STK39: variants seen among roughly 807,000 people sequenced by gnomAD.
STK39 encodes the protein STE20/SPS1-related proline-alanine-rich protein kinase.
In STK39, 20 loss-of-function variants were observed where a neutral mutation model predicts 77.8. The observed-to-expected ratio is 0.26, with a 90% CI of 0.18 to 0.37. The LOEUF is 0.37. Ranked by LOEUF, STK39 falls within the 10% of genes least tolerant of loss-of-function variation. STK39 has a pLI of 1.00. For synonymous variants in STK39, 246 were observed against 234.1 expected (o/e 1.05, Z -0.47); for missense variants, 479 against 656.5 (o/e 0.73, Z 2.95).
chr2:168,134,734 C>T (rs1432181695), intron 8 of STK39, among the ~76,000 whole-genome samples: 1 of 152,072 alleles, frequency 6.6e-6, no homozygotes, highest in South Asian at 2.1e-4. Context: ...GAGCTCTCAT[C>T]GTTGACAAAA....
chr2:168,088,895 A>G (rs1686441270), intron 10 of STK39, among the ~76,000 whole-genome samples: 1 of 152,192 alleles, frequency 6.6e-6, no homozygotes, highest in African/African-American at 2.4e-5. Context: ...CAGTAAGCAT[A>G]AAAGGATCAA....
intron 16 of STK39, among the ~76,000 whole-genome samples, chr2:167,968,464 C>A (rs1250741269): frequency 6.6e-6 from 1 of 152,232 alleles, no homozygotes; most frequent in Admixed American, 6.5e-5. Context: ...GAGATACCAG[C>A]TTATTTCACA....
At chr2:168,064,705 C>T (rs1685749810) in intron 13 of STK39, among the ~76,000 whole-genome samples, 1 of 152,232 alleles carries the variant, frequency 6.6e-6, no homozygotes. Flanking sequence ...AGTACAACCA[C>T]TTTGAGAACA....
rs192498655 is a variant in STK39 at position 168,196,885 on chromosome 2, C to T, written c.209-14795G>A. On this transcript the variant is annotated intron_variant, in intron 1 of 17. Transcript: ENST00000355999. ...AGAGCTCAAGGGACAAAGACAGAGG[C>T]GGTGTGGCTGGTGCTTGTCAGCTAA... Among the ~76,000 whole-genome samples the T allele has an allele frequency of 1.7e-3, 257 of 152,062 alleles. 1 individual carries two copies. The highest frequency in any genetic ancestry group is 5.9e-3 in the African/African-American group (244 of 41,466).
At chr2:167,979,649 A>G (rs1481014692) in intron 16 of STK39, among the ~76,000 whole-genome samples, 5 of 152,328 alleles carry the variant, frequency 3.3e-5, no homozygotes, top group South Asian at 2.1e-4. Flanking sequence ...CAGGTCATCC[A>G]GTAGATGAAT....
intron 5 of STK39, among the ~76,000 whole-genome samples, chr2:168,153,812 G>A (rs1688355417): frequency 6.6e-6 from 1 of 152,190 alleles, no homozygotes; most frequent in South Asian, 2.1e-4. Flanking sequence ...GAAGATGTAA[G>A]AGTTGAAATC....
At chr2:167,977,652 G>T (rs9677893) in intron 16 of STK39, among the ~76,000 whole-genome samples, 119,028 of 151,652 alleles carry the variant, frequency 0.78, 47,122 homozygotes, top group African/African-American at 0.89. Context: ...TTGAAAATGA[G>T]TAAGGATTCT....
chr2:168,047,977 T>C (rs1394800741), intron 14 of STK39, among the ~76,000 whole-genome samples: 1 of 152,234 alleles, frequency 6.6e-6, no homozygotes, highest in African/African-American at 2.4e-5. Context: ...GGAAACTCAC[T>C]GAGCTAAGCA....
intron 1 of STK39, among the ~76,000 whole-genome samples, chr2:168,246,974 A>T (rs1485189309): frequency 6.7e-6 from 1 of 149,190 alleles, no homozygotes; most frequent in African/African-American, 2.5e-5. Context: ...AGTTTGCAGC[A>T]TGCGGCTCGT....
chr2:167,954,200 G>T lies in STK39; in HGVS notation c.*1296C>A, dbSNP rs201472513. 1.3e-5 allele frequency: 2 copies of T among 152,514 alleles called. No homozygotes were observed. Among genetic ancestry groups the T allele is most frequent in the Non-Finnish European group, 2.9e-5 (2 of 68,016 alleles). The allele number at this position is 152,514 out of a possible 1,614,324, so 9.4% of individuals were successfully genotyped here. ...TTTTTTTCCTTAGTAATATATATTT[G>T]CTTTTTGAAGTACATTAAAGAGCTG... On this transcript the variant is annotated 3_prime_UTR_variant, in exon 18 of 18. Transcript: ENST00000355999.
intron 10 of STK39, among the ~76,000 whole-genome samples, chr2:168,104,308 A>C (rs1686913011): frequency 1.3e-5 from 2 of 152,150 alleles, no homozygotes. Context: ...TTTTCCTCTA[A>C]TCATTAGGAA....
intron 1 of STK39, among the ~76,000 whole-genome samples, chr2:168,214,611 G>A (rs1018402412): frequency 5.3e-5 from 8 of 152,050 alleles, no homozygotes; most frequent in African/African-American, 1.9e-4. Flanking sequence ...AATCTTAAAT[G>A]GATAATTTTA....
chr2:168,218,009 CTCTT>C (rs1247584563), intron 1 of STK39, among the ~76,000 whole-genome samples: 1 of 152,182 alleles, frequency 6.6e-6, no homozygotes, highest in Non-Finnish European at 1.5e-5. Flanking sequence ...CACTAAAAGT[CTCTT>C]TATTTTGAAA....
chr2:168,143,560 A>G (rs1417061548), intron 5 of STK39, among the ~76,000 whole-genome samples: 1 of 152,150 alleles, frequency 6.6e-6, no homozygotes, highest in Non-Finnish European at 1.5e-5. Context: ...AAAAAATACA[A>G]AAAATCAGCT....
intron 3 of STK39, among the ~76,000 whole-genome samples, chr2:168,165,116 A>C (rs1162492174): frequency 6.6e-6 from 1 of 152,236 alleles, no homozygotes; most frequent in African/African-American, 2.4e-5. Context: ...GTGTCATTTA[A>C]AAAATGATAA....
At chr2:168,067,973 C>A (rs367659405) in intron 12 of STK39, among the ~76,000 whole-genome samples, 1 of 152,044 alleles carries the variant, frequency 6.6e-6, no homozygotes, top group African/African-American at 2.4e-5. Context: ...CAGCAGAAGG[C>A]GCAGGAGGAG....
chr2:168,215,753 A>C (rs1208321850), intron 1 of STK39, among the ~76,000 whole-genome samples: 1 of 152,088 alleles, frequency 6.6e-6, no homozygotes, highest in Non-Finnish European at 1.5e-5. Context: ...GGAAAGGGGG[A>C]AAAAATGGAA....
chr2:168,176,328 A>G (rs890611239), intron 2 of STK39, among the ~76,000 whole-genome samples: 2 of 123,966 alleles, frequency 1.6e-5, no homozygotes, highest in African/African-American at 7.8e-5. Flanking sequence ...AAAGGAAGAG[A>G]AAAAAAAAAC....
intron 5 of STK39, among the ~76,000 whole-genome samples, chr2:168,142,940 G>A (rs1446783619): frequency 6.6e-6 from 1 of 152,154 alleles, no homozygotes. Flanking sequence ...CAAAAAATTG[G>A]TATATTATAT....
Sources: gnomAD v4.1 joint callset for allele counts (sites outside exome capture counted in the v4.1 genomes callset) on GRCh38, gnomAD v4.1.1 for gene constraint, MANE v1.5 for transcripts, NCBI Gene and HGNC (gene_info 2026-07-23, HGNC 2026-07-21) for gene names.